The following DNM3 variants were observed in gnomAD, a reference collection of about 807,000 sequenced individuals.
The protein encoded by DNM3 is dynamin 3.
DNM3 carries 47 observed loss-of-function variants against 101.6 expected under a neutral mutation model. The ratio of observed to expected loss-of-function variants is 0.46; its 90% CI spans 0.37 to 0.59. DNM3 has a LOEUF of 0.59. Ranked by LOEUF, DNM3 falls within the 20% of genes least tolerant of loss-of-function variation. The pLI is 0.00. For missense variants in DNM3, 849 were observed against 1,085.7 expected (o/e 0.78, Z 3.06); for synonymous variants, 385 against 387.9 (o/e 0.99, Z 0.09).
chr1:171,967,849 T>A (rs2043698840), intron 2 of DNM3, among the ~76,000 whole-genome samples: 1 of 152,202 alleles, frequency 6.6e-6, no homozygotes, highest in Admixed American at 6.5e-5. Flanking sequence ...ATATATACCT[T>A]ACAGGTCCTT....
At chr1:171,880,135 C>G (rs1018265026) in intron 1 of DNM3, among the ~76,000 whole-genome samples, 5 of 152,256 alleles carry the variant, frequency 3.3e-5, no homozygotes, top group African/African-American at 1.2e-4. Flanking sequence ...TGTGCTGTAT[C>G]AGCCACAGAT....
At chr1:171,897,814 A>G (rs2037944462) in intron 1 of DNM3, among the ~76,000 whole-genome samples, 2 of 152,178 alleles carry the variant, frequency 1.3e-5, no homozygotes, top group Admixed American at 1.3e-4. Context: ...AATCAATTAG[A>G]CCAACTAGAA....
At chr1:172,026,632 A>G (rs1318757696) in intron 4 of DNM3, among the ~76,000 whole-genome samples, 1 of 151,996 alleles carries the variant, frequency 6.6e-6, no homozygotes, top group Non-Finnish European at 1.5e-5. Flanking sequence ...ACAAGCCAGA[A>G]GAGAGTGGGG....
intron 1 of DNM3, among the ~76,000 whole-genome samples, chr1:171,860,640 C>T (rs1014394988): frequency 6.6e-6 from 1 of 151,786 alleles, no homozygotes. Flanking sequence ...GGATTGGAGG[C>T]AGGCAAAGTA....
chr1:172,158,147 C>T (rs188976603), intron 14 of DNM3, among the ~76,000 whole-genome samples: 2 of 151,860 alleles, frequency 1.3e-5, no homozygotes, highest in African/African-American at 2.4e-5. Flanking sequence ...AGTAAGCATG[C>T]GGATGACTGA....
intron 14 of DNM3, among the ~76,000 whole-genome samples, chr1:172,140,846 C>T (rs1380374889): frequency 6.6e-6 from 1 of 151,906 alleles, no homozygotes; most frequent in Non-Finnish European, 1.5e-5. Context: ...TTATGTTGAA[C>T]CTGCCCCTAA....
At chr1:172,017,415 C>T (rs1191234026) in intron 4 of DNM3, among the ~76,000 whole-genome samples, 1 of 152,112 alleles carries the variant, frequency 6.6e-6, no homozygotes, top group African/African-American at 2.4e-5. Context: ...TTAGTTCAAA[C>T]TGTTTTTTAA....
chr1:172,396,486 T>A (rs1232527446), intron 20 of DNM3, among the ~76,000 whole-genome samples: 1 of 152,244 alleles, frequency 6.6e-6, no homozygotes, highest in African/African-American at 2.4e-5. Context: ...CTTCCCTGCT[T>A]CTTTGGTAGA....
At chr1:172,307,830 C>T (rs1414079503) in intron 15 of DNM3, among the ~76,000 whole-genome samples, 2 of 151,578 alleles carry the variant, frequency 1.3e-5, no homozygotes, top group African/African-American at 4.9e-5. Flanking sequence ...CAATGGAATA[C>T]TTGGACACAG....
At chr1:172,091,546 C>G (rs2053908543) in intron 12 of DNM3, among the ~76,000 whole-genome samples, 1 of 152,080 alleles carries the variant, frequency 6.6e-6, no homozygotes, top group South Asian at 2.1e-4. Flanking sequence ...TGCCTGAAGG[C>G]TCTAAATGGG....
chr1:171,850,989 C>T (rs1203530487), intron 1 of DNM3, among the ~76,000 whole-genome samples: 4 of 152,124 alleles, frequency 2.6e-5, no homozygotes, highest in Non-Finnish European at 5.9e-5. Flanking sequence ...GGCTTTGGTT[C>T]TCTCCTGCTC....
chr1:171,923,140 CT>C (rs1378515771), intron 2 of DNM3, among the ~76,000 whole-genome samples: 2 of 152,198 alleles, frequency 1.3e-5, no homozygotes, highest in African/African-American at 2.4e-5. Flanking sequence ...TTCAAAGCAG[CT>C]GCCCCATTTT....
At chr1:172,306,403 T>A (rs2064817128) in intron 15 of DNM3, among the ~76,000 whole-genome samples, 1 of 152,136 alleles carries the variant, frequency 6.6e-6, no homozygotes, top group South Asian at 2.1e-4. Flanking sequence ...GGAAGAACAT[T>A]CCATGTTCAT....
intron 2 of DNM3, among the ~76,000 whole-genome samples, chr1:171,964,451 A>AC (rs1558337185): frequency 2.6e-5 from 4 of 151,792 alleles, no homozygotes; most frequent in Admixed American, 2.0e-4. Context: ...GCTGGAAGCC[A>AC]CCCCCTCCAC....
chr1:172,063,208 C>G (rs1481432043), intron 10 of DNM3, among the ~76,000 whole-genome samples: 3 of 152,172 alleles, frequency 2.0e-5, no homozygotes, highest in Non-Finnish European at 4.4e-5. Flanking sequence ...TTGCTAGAGG[C>G]ATCAAACTTG....
At chr1:172,209,430 A>T (rs1344640729) in intron 14 of DNM3, among the ~76,000 whole-genome samples, 8 of 151,890 alleles carry the variant, frequency 5.3e-5, no homozygotes, top group Non-Finnish European at 1.0e-4. Context: ...AATATTGATC[A>T]TTTTTCAACT....
chr1:172,161,974 A>G (rs2148293063), intron 14 of DNM3, among the ~76,000 whole-genome samples: 2 of 152,230 alleles, frequency 1.3e-5, no homozygotes, highest in East Asian at 3.9e-4. Flanking sequence ...GTTTTCTAAA[A>G]GTGTGATTCT....
intron 1 of DNM3, among the ~76,000 whole-genome samples, chr1:171,865,524 A>T (rs868611745): frequency 0.023 from 3,486 of 150,304 alleles, 14 homozygotes; most frequent in Non-Finnish European, 0.037. Context: ...TCAAAAAAAA[A>T]AAAAAAAAAA....
At chr1:171,950,317 A>G (rs1399062820) in intron 2 of DNM3, among the ~76,000 whole-genome samples, 1 of 152,182 alleles carries the variant, frequency 6.6e-6, no homozygotes, top group Admixed American at 6.6e-5. Flanking sequence ...CATTCGGTAG[A>G]AACTATAATT....
Sources: gnomAD v4.1 joint callset for allele counts (sites outside exome capture counted in the v4.1 genomes callset) on GRCh38, gnomAD v4.1.1 for gene constraint, MANE v1.5 for transcripts, NCBI Gene and HGNC (gene_info 2026-07-23, HGNC 2026-07-21) for gene names.